Variants in ASTN2 observed in about 807,000 individuals in gnomAD.
ASTN2 encodes the protein astrotactin-2.
Under a neutral mutation model 139.8 loss-of-function variants are expected in ASTN2, and 54 were observed. That is an observed-to-expected ratio of 0.39 (90% CI 0.31 to 0.48). ASTN2 has a LOEUF of 0.48. Ranked by LOEUF, ASTN2 falls within the 20% of genes least tolerant of loss-of-function variation. The pLI is 0.95. For missense variants in ASTN2, 1,565 were observed against 1,725.1 expected, an observed-to-expected ratio of 0.91 and a Z score of 1.64; for synonymous variants, 756 against 719.5, an observed-to-expected ratio of 1.05 and a Z score of -0.81.
intron 1 of ASTN2, among the ~76,000 whole-genome samples, chr9:117,401,344 A>G (rs1830821751): frequency 6.6e-6 from 1 of 152,162 alleles, no homozygotes; most frequent in Non-Finnish European, 1.5e-5. Context: ...GAGATAGCTG[A>G]GAGTGTGGTG....
At chr9:116,676,546 C>A (rs1288078534) in intron 16 of ASTN2, among the ~76,000 whole-genome samples, 2 of 152,176 alleles carry the variant, frequency 1.3e-5, no homozygotes, top group Non-Finnish European at 1.5e-5. Context: ...AAGAGCTCAA[C>A]CTTGTGACCA....
At chr9:116,534,524 T>C (rs575436052) in intron 19 of ASTN2, among the ~76,000 whole-genome samples, 2 of 152,354 alleles carry the variant, frequency 1.3e-5, no homozygotes, top group South Asian at 2.1e-4. Context: ...CCTCACACAC[T>C]GCTTTAAATG....
chr9:116,998,411 G>A (rs1326926603), intron 7 of ASTN2, among the ~76,000 whole-genome samples: 1 of 152,186 alleles, frequency 6.6e-6, no homozygotes, highest in Non-Finnish European at 1.5e-5. Context: ...GTATCTCTGA[G>A]CAAGTCTTTA....
At position 117,283,064 on chromosome 9, in the gene ASTN2, T is replaced by A. The variant is rs537969203; in HGVS notation, c.630+8262A>T. 5.9e-5 allele frequency among the ~76,000 whole-genome samples: 9 copies of A among 152,222 alleles called. No homozygotes were observed. In the South Asian group the frequency reaches 1.9e-3, roughly 32 times the overall value. On this transcript the variant is annotated intron_variant, in intron 2 of 22. Transcript: ENST00000313400. ...GTTATGATTTTAATTTTATTTCCATTTTGCAAATGATCACACAAGAAACTC... is the reference window on the plus strand; with the variant it reads ...GTTATGATTTTAATTTTATTTCCATATTGCAAATGATCACACAAGAAACTC...
chr9:116,763,324 C>T (rs1205439177), intron 13 of ASTN2, among the ~76,000 whole-genome samples: 1 of 152,130 alleles, frequency 6.6e-6, no homozygotes, highest in Admixed American at 6.5e-5. Flanking sequence ...GAGCATCAGT[C>T]TTAAATTTAT....
chr9:116,890,789 C>T (rs536586041), intron 10 of ASTN2, among the ~76,000 whole-genome samples: 2 of 152,052 alleles, frequency 1.3e-5, no homozygotes, highest in Non-Finnish European at 2.9e-5. Context: ...GTGACCTTTT[C>T]CAGGCTGGTA....
At chr9:116,670,139 A>G (rs958466173) in intron 16 of ASTN2, among the ~76,000 whole-genome samples, 8 of 152,152 alleles carry the variant, frequency 5.3e-5, no homozygotes. Context: ...CATCAATCAA[A>G]AACATCTATT....
chr9:117,219,757 A>G (rs1832454309), intron 2 of ASTN2, among the ~76,000 whole-genome samples: 1 of 152,156 alleles, frequency 6.6e-6, no homozygotes, highest in South Asian at 2.1e-4. Flanking sequence ...GTGCACCCCT[A>G]TCCCTTCTGG....
intron 3 of ASTN2, among the ~76,000 whole-genome samples, chr9:117,169,631 C>T (rs1326486031): frequency 6.6e-6 from 1 of 151,598 alleles, no homozygotes; most frequent in Non-Finnish European, 1.5e-5. Flanking sequence ...AGAGAATTGC[C>T]AACACACGCT....
chr9:116,820,353 G>A (rs919450265), intron 12 of ASTN2, among the ~76,000 whole-genome samples: 1 of 152,176 alleles, frequency 6.6e-6, no homozygotes, highest in Non-Finnish European at 1.5e-5. Context: ...AAAGCTCCTG[G>A]CTCTAGGATG....
chr9:117,355,725 G>C (rs191591378), intron 1 of ASTN2, among the ~76,000 whole-genome samples: 2 of 152,294 alleles, frequency 1.3e-5, no homozygotes, highest in African/African-American at 4.8e-5. Context: ...ATTGTGCTGT[G>C]ATGCCAGAGT....
chr9:116,506,957 G>A lies in ASTN2; in HGVS notation c.3356-19457C>T, dbSNP rs1448127765. Among the ~76,000 whole-genome samples, 4 of 152,204 alleles carry A rather than the reference G, an allele frequency of 2.6e-5. No homozygotes were observed. The East Asian group carries it at 7.7e-4, about 29-fold the overall frequency. ...CACTCATCTATTTAAAGAATTCTGA[G>A]GCCTAGAAAAACTCTGGGGATTGGT... On this transcript the variant is annotated intron_variant, in intron 19 of 22. Transcript: ENST00000313400.
chr9:116,729,217 G>A (rs1324186223), intron 14 of ASTN2, 121 bp from the exon 15 acceptor site: 4 of 727,050 alleles, frequency 5.5e-6, no homozygotes, highest in Non-Finnish European at 9.0e-6. Context: ...ACTTTCACTG[G>A]GATTGACAAT....
intron 1 of ASTN2, among the ~76,000 whole-genome samples, chr9:117,303,783 C>T (rs933881701): frequency 2.0e-5 from 3 of 152,228 alleles, no homozygotes; most frequent in African/African-American, 7.2e-5. Flanking sequence ...TGCAGATATC[C>T]CTGTCAAGAG....
chr9:116,768,549 C>A (rs192286848), intron 13 of ASTN2, among the ~76,000 whole-genome samples: 7 of 152,274 alleles, frequency 4.6e-5, no homozygotes, highest in South Asian at 2.1e-4. Context: ...TTGCTATGGT[C>A]TGAATATTTC....
At chr9:117,116,341 T>C (rs760847242) in intron 4 of ASTN2, among the ~76,000 whole-genome samples, 1 of 152,272 alleles carries the variant, frequency 6.6e-6, no homozygotes, top group East Asian at 1.9e-4. Flanking sequence ...AGTAAAAGAA[T>C]GTGAACTTCT....
chr9:117,286,057 T>C (rs1371216262), intron 2 of ASTN2, among the ~76,000 whole-genome samples: 1 of 152,032 alleles, frequency 6.6e-6, no homozygotes, highest in Non-Finnish European at 1.5e-5. Flanking sequence ...ACAAGACACA[T>C]CACATTAAAA....
chr9:117,118,682 T>G (rs2132807737), intron 4 of ASTN2, among the ~76,000 whole-genome samples: 1 of 152,330 alleles, frequency 6.6e-6, no homozygotes, highest in Admixed American at 6.5e-5. Context: ...AGCTGGATCC[T>G]AATTATGTAA....
chr9:116,632,144 G>GAC (rs1554723242), intron 17 of ASTN2, among the ~76,000 whole-genome samples: 1 of 76,778 alleles, frequency 1.3e-5, no homozygotes, highest in Non-Finnish European at 2.5e-5. Context: ...GAGAGAGAGA[G>GAC]AGAGAGAGAG....
Sources: allele counts gnomAD v4.1 joint callset (sites outside exome capture counted in the v4.1 genomes callset), GRCh38; gene constraint gnomAD v4.1.1; transcripts MANE v1.5; gene names NCBI Gene and HGNC (gene_info 2026-07-23, HGNC 2026-07-21).